GRIA4: variants seen among roughly 807,000 people sequenced by gnomAD.
GRIA4 encodes glutamate receptor 4.
A neutral mutation model predicts 104.0 loss-of-function variants in GRIA4; 34 were observed. That is an observed-to-expected ratio of 0.33 (90% CI 0.25 to 0.44). GRIA4 has a LOEUF of 0.44. GRIA4 is among the 20% of genes least tolerant of loss of function. GRIA4 has a pLI of 1.00. For missense variants in GRIA4, 750 were observed against 1,096.5 expected (o/e 0.68, Z 4.46); for synonymous variants, 386 against 381.9 (o/e 1.01, Z -0.13).
At chr11:105,971,869 TA>T in intron 14 of GRIA4, 44 bp from the exon 15 acceptor site, 10 of 1,239,858 alleles carry the variant, frequency 8.1e-6, no homozygotes, top group Non-Finnish European at 9.3e-6. Flanking sequence ...TTGAATAACA[TA>T]AAATAACATA....
At chr11:105,862,347 T>C (rs1945257324) in intron 5 of GRIA4, 139 bp downstream of exon 5, 1 of 600,978 alleles carries the variant, frequency 1.7e-6, no homozygotes, top group Non-Finnish European at 2.9e-6. Flanking sequence ...CATGACTATC[T>C]TCAGGACCAA....
At chr11:105,636,408 GTTC>G (rs1169568131) in intron 3 of GRIA4, among the ~76,000 whole-genome samples, 2 of 152,108 alleles carry the variant, frequency 1.3e-5, no homozygotes, top group East Asian at 3.9e-4. Flanking sequence ...CTCTTTTAAA[GTTC>G]AGAGTGACTT....
chr11:105,961,094 TATC>T (rs1289739259), intron 14 of GRIA4, among the ~76,000 whole-genome samples: 1 of 152,224 alleles, frequency 6.6e-6, no homozygotes, highest in East Asian at 1.9e-4. Flanking sequence ...TTTTTAATTC[TATC>T]ATCAGTGAAT....
intron 4 of GRIA4, among the ~76,000 whole-genome samples, chr11:105,799,303 C>T (rs748081380): frequency 6.6e-6 from 1 of 151,956 alleles, no homozygotes; most frequent in African/African-American, 2.4e-5. Context: ...AGAGTAAAAA[C>T]CTAATCTGAA....
intron 14 of GRIA4, among the ~76,000 whole-genome samples, chr11:105,939,223 T>C (rs1048135096): frequency 2.0e-5 from 3 of 152,224 alleles, no homozygotes; most frequent in Non-Finnish European, 2.9e-5. Flanking sequence ...ATTCTTGAGA[T>C]GCTTTATAGC....
intron 3 of GRIA4, 142 bp downstream of exon 3, chr11:105,612,576 A>C: frequency 1.7e-6 from 1 of 600,158 alleles, no homozygotes; most frequent in South Asian, 2.8e-5. Context: ...TCAGAGTTAA[A>C]AACAAGACTT....
chr11:105,723,855 C>G (rs1325422618), intron 3 of GRIA4, among the ~76,000 whole-genome samples: 1 of 151,898 alleles, frequency 6.6e-6, no homozygotes, highest in Admixed American at 6.6e-5. Flanking sequence ...AACAACAAAA[C>G]AAATAATGGA....
At chr11:105,612,148 T>C in intron 2 of GRIA4, 128 bp from the exon 3 acceptor site, 1 of 791,144 alleles carries the variant, frequency 1.3e-6, no homozygotes, top group Non-Finnish European at 2.1e-6. Context: ...GCAGTCTCCC[T>C]AGATGTGGCA....
At chr11:105,670,372 C>A (rs1952320801) in intron 3 of GRIA4, among the ~76,000 whole-genome samples, 1 of 152,070 alleles carries the variant, frequency 6.6e-6, no homozygotes, top group Admixed American at 6.6e-5. Flanking sequence ...AATTTTGTTT[C>A]ATTTTAATAA....
intron 3 of GRIA4, among the ~76,000 whole-genome samples, chr11:105,731,024 A>C (rs1938553412): frequency 6.6e-6 from 1 of 152,194 alleles, no homozygotes; most frequent in Non-Finnish European, 1.5e-5. Flanking sequence ...AAAATAGACA[A>C]ATGGGATCTA....
At chr11:105,859,502 G>A (rs889539960) in intron 4 of GRIA4, among the ~76,000 whole-genome samples, 2 of 152,178 alleles carry the variant, frequency 1.3e-5, no homozygotes, top group Admixed American at 6.6e-5. Context: ...CAATTTGTAA[G>A]GTAAGTGGGC....
intron 4 of GRIA4, among the ~76,000 whole-genome samples, chr11:105,854,288 C>T (rs1214698550): frequency 5.3e-5 from 8 of 152,108 alleles, no homozygotes; most frequent in Admixed American, 3.3e-4. Context: ...TAACCCAGAA[C>T]GGCCTCACTG....
intron 4 of GRIA4, among the ~76,000 whole-genome samples, chr11:105,807,215 C>A (rs1942988567): frequency 6.6e-6 from 1 of 151,774 alleles, no homozygotes; most frequent in African/African-American, 2.4e-5. Flanking sequence ...GTAAAATGAT[C>A]TAATACAAAC....
At chr11:105,788,441 G>C (rs997065726) in intron 4 of GRIA4, among the ~76,000 whole-genome samples, 1 of 152,056 alleles carries the variant, frequency 6.6e-6, no homozygotes, top group Non-Finnish European at 1.5e-5. Flanking sequence ...CAGCTGCAAC[G>C]TATGTTTATC....
intron 3 of GRIA4, among the ~76,000 whole-genome samples, chr11:105,698,706 C>T (rs188724442): frequency 4.1e-4 from 62 of 152,308 alleles, no homozygotes; most frequent in African/African-American, 1.3e-3. Context: ...TTGTCTTCCA[C>T]TCTCCTATTC....
intron 3 of GRIA4, among the ~76,000 whole-genome samples, chr11:105,691,684 C>A (rs1259894240): frequency 6.6e-6 from 1 of 151,908 alleles, no homozygotes; most frequent in Non-Finnish European, 1.5e-5. Flanking sequence ...CGCCTGTAAT[C>A]CCAGCACTTT....
At chr11:105,776,728 G>T (rs1941467243) in intron 4 of GRIA4, among the ~76,000 whole-genome samples, 1 of 152,074 alleles carries the variant, frequency 6.6e-6, no homozygotes, top group Admixed American at 6.6e-5. Context: ...TGCATTTAGT[G>T]TTGCATCTCT....
intron 4 of GRIA4, among the ~76,000 whole-genome samples, chr11:105,780,550 T>C (rs1941680855): frequency 6.6e-6 from 1 of 152,072 alleles, no homozygotes. Flanking sequence ...AGGTATTGTA[T>C]ACAAAGGAGG....
intron 4 of GRIA4, among the ~76,000 whole-genome samples, chr11:105,811,994 C>T (rs887179355): frequency 1.6e-4 from 25 of 152,168 alleles, no homozygotes; most frequent in Admixed American, 5.9e-4. Context: ...ATCTGCAGAC[C>T]GTGATTTTAG....
Sources: gnomAD v4.1 joint callset for allele counts (sites outside exome capture counted in the v4.1 genomes callset) on GRCh38, gnomAD v4.1.1 for gene constraint, MANE v1.5 for transcripts, NCBI Gene and HGNC (gene_info 2026-07-23, HGNC 2026-07-21) for gene names.